Variants in C1GALT1 observed in about 807,000 individuals in gnomAD.
The protein encoded by C1GALT1 is glycoprotein-N-acetylgalactosamine 3-beta-galactosyltransferase 1.
Under a neutral mutation model 31.0 loss-of-function variants are expected in C1GALT1, and 11 were observed. That is an observed-to-expected ratio of 0.36 (90% CI 0.22 to 0.59). The LOEUF (loss-of-function observed/expected upper bound fraction) is 0.59, where lower values mean the gene tolerates loss of function less well. Among genes scored for constraint, C1GALT1 ranks in the 20% least tolerant of loss-of-function variants. C1GALT1 has a pLI of 0.79. For missense variants in C1GALT1, 424 were observed against 425.2 expected, an observed-to-expected ratio of 1.00 and a Z score of 0.03; for synonymous variants, 175 against 143.6, an observed-to-expected ratio of 1.22 and a Z score of -1.56.
chr7:7,215,622 A>G (rs1236158112), intron 1 of C1GALT1, among the ~76,000 whole-genome samples: 1 of 152,180 alleles, frequency 6.6e-6, no homozygotes, highest in Non-Finnish European at 1.5e-5. Context: ...TAGGGTTTTC[A>G]AGAAGTATTG....
intron 1 of C1GALT1, among the ~76,000 whole-genome samples, chr7:7,211,074 G>T (rs1344125545): frequency 6.6e-6 from 1 of 152,172 alleles, no homozygotes; most frequent in Non-Finnish European, 1.5e-5. Context: ...AGCAACTAGG[G>T]CTCCTCCTGG....
chr7:7,167,933 C>G (rs1780415803), intron 2 of C1GALT1, among the ~76,000 whole-genome samples: 1 of 152,164 alleles, frequency 6.6e-6, no homozygotes, highest in South Asian at 2.1e-4. Flanking sequence ...TTACCTTCTA[C>G]TCCATTTTTT....
At chr7:7,161,530 T>A (rs1780333916) in intron 2 of C1GALT1, among the ~76,000 whole-genome samples, 1 of 152,140 alleles carries the variant, frequency 6.6e-6, no homozygotes, top group African/African-American at 2.4e-5. Flanking sequence ...CTGATAAAAA[T>A]AACTACCATT....
At chr7:7,206,936 G>A (rs978977536) in intron 1 of C1GALT1, among the ~76,000 whole-genome samples, 2 of 152,040 alleles carry the variant, frequency 1.3e-5, no homozygotes, top group African/African-American at 4.8e-5. Flanking sequence ...TTTGCTGTGA[G>A]TCTCCTTGAA....
In C1GALT1 at chr7:7,246,501, A is replaced by G. The variant is rs531420374; in HGVS notation, c.*2774A>G. The G allele has an allele frequency of 6.6e-6, 1 of 152,250 alleles. No homozygotes were observed. Among genetic ancestry groups the G allele is most frequent in the East Asian group, 1.9e-4 (1 of 5,186 alleles). 9.4% of individuals were successfully genotyped at this position (152,250 alleles called of 1,614,324 possible). Reference sequence around the variant, plus strand: ...TGAAGACCCCAATCTCAGAAATTCAAATTTAAGCATGGGGCCCAAGAGTAT... The same window carrying G: ...TGAAGACCCCAATCTCAGAAATTCAGATTTAAGCATGGGGCCCAAGAGTAT... On this transcript the variant is annotated 3_prime_UTR_variant, in exon 4 of 4. Coordinates refer to ENST00000436587, the MANE Select transcript of C1GALT1 (RefSeq NM_020156.5).
At chr7:7,193,509 G>A (rs1054032763) in intron 1 of C1GALT1, among the ~76,000 whole-genome samples, 22 of 152,122 alleles carry the variant, frequency 1.4e-4, no homozygotes, top group Admixed American at 6.6e-4. Flanking sequence ...TGTTTCATTG[G>A]TCTATGTGCC....
chr7:7,183,357 G>A (rs886946062), intron 1 of C1GALT1, among the ~76,000 whole-genome samples: 1 of 152,088 alleles, frequency 6.6e-6, no homozygotes, highest in African/African-American at 2.4e-5. Flanking sequence ...TCCTTCCAGA[G>A]GTGCCTGGAG....
intron 1 of C1GALT1, among the ~76,000 whole-genome samples, chr7:7,185,475 T>G (rs1465328676): frequency 6.6e-6 from 1 of 152,218 alleles, no homozygotes; most frequent in African/African-American, 2.4e-5. Context: ...AATCAAGATG[T>G]AGGTATGGCC....
At chr7:7,232,562 G>C in intron 1 of C1GALT1, among the ~76,000 whole-genome samples, 1 of 150,370 alleles carries the variant, frequency 6.7e-6, no homozygotes, top group Middle Eastern at 3.5e-3. Flanking sequence ...GCATGATCTC[G>C]GTCCTGCAGT....
At position 7,245,606 on chromosome 7, in the gene C1GALT1, G is replaced by A. The variant is rs888681167; in HGVS notation, c.*1879G>A. The A allele has an allele frequency of 6.6e-6, 1 of 152,184 alleles. No individual in the cohort carries two copies. Among genetic ancestry groups the A allele is most frequent in the Admixed American group, 6.5e-5 (1 of 15,276 alleles). The allele number at this position is 152,184 out of a possible 1,614,324, so 9.4% of individuals were successfully genotyped here. ...GTCCACGTAGTGAAAACATGCACCA[G>A]TTTTTACCTATTATCATGGTAGTAT... On this transcript the variant is annotated 3_prime_UTR_variant, in exon 4 of 4. Coordinates refer to ENST00000436587, the MANE Select transcript of C1GALT1 (RefSeq NM_020156.5).
At chr7:7,226,970 T>C (rs7811763) in intron 1 of C1GALT1, among the ~76,000 whole-genome samples, 65,112 of 152,008 alleles carry the variant, frequency 0.43, 14,707 homozygotes, top group African/African-American at 0.56. Context: ...GTATCCATGC[T>C]GATTTCCACA....
In C1GALT1 at chr7:7,160,883, T is replaced by C. The variant is rs569516071; in HGVS notation, c.-18+3457T>C. ...CTTGGAACTATAGCTGAAAAAAACC[T>C]TAGAACTATACACACAAACACAGTA... On this transcript the variant is annotated intron_variant, in intron 2 of 3. Transcript: ENST00000429911. Among the ~76,000 whole-genome samples the C allele has an allele frequency of 2.6e-5, 4 of 151,998 alleles. No individual in the cohort carries two copies. The South Asian group carries it at 6.2e-4, about 24-fold the overall frequency.
intron 1 of C1GALT1, among the ~76,000 whole-genome samples, chr7:7,230,381 A>T (rs7787942): frequency 0.55 from 83,338 of 151,824 alleles, 24,738 homozygotes; most frequent in African/African-American, 0.78. Flanking sequence ...GCTTTCCTTT[A>T]ATTACTGTTT....
At chr7:7,177,352 TGAAAGA>T (rs1184057494) in intron 2 of C1GALT1, among the ~76,000 whole-genome samples, 7 of 152,326 alleles carry the variant, frequency 4.6e-5, no homozygotes, top group Admixed American at 2.0e-4. Context: ...TTCTGCCCTC[TGAAAGA>T]GAAAGACATG....
At chr7:7,242,350 G>GAAATATCAGAA (rs1783669756) in intron 3 of C1GALT1, among the ~76,000 whole-genome samples, 1 of 151,698 alleles carries the variant, frequency 6.6e-6, no homozygotes, top group African/African-American at 2.4e-5. Context: ...TTTCCTAAAG[G>GAAATATCAGAA]TGCAAGAGTA....
intron 2 of C1GALT1, among the ~76,000 whole-genome samples, chr7:7,172,415 A>G (rs761324275): frequency 2.2e-4 from 34 of 152,100 alleles, no homozygotes; most frequent in Non-Finnish European, 2.5e-4. Context: ...GTTGGTTAAA[A>G]TATCTTAAGT....
At chr7:7,206,932 G>A (rs947668695) in intron 1 of C1GALT1, among the ~76,000 whole-genome samples, 2 of 152,088 alleles carry the variant, frequency 1.3e-5, no homozygotes, top group African/African-American at 4.8e-5. Flanking sequence ...ATATTTTGCT[G>A]TGAGTCTCCT....
intron 2 of C1GALT1, among the ~76,000 whole-genome samples, chr7:7,165,572 A>C (rs1180036084): frequency 6.6e-6 from 1 of 152,158 alleles, no homozygotes; most frequent in Admixed American, 6.6e-5. Flanking sequence ...CTCTAGATGC[A>C]AGAATTCAAA....
At position 7,238,585 on chromosome 7, in the gene C1GALT1, C is replaced by A; in HGVS notation, c.551C>A (p.Ser184Ter). Residue 184 changes from serine to a stop codon, truncating the protein, a stop_gained, in exon 3 of 4, where the codon TCA becomes TAA. Transcript: ENST00000436587. LOFTEE classifies it high-confidence loss of function. The surrounding 1 kb of genome is among the most constrained non-coding windows in gnomAD (Gnocchi z 5.2). ...VILDNLRWLL[S>*]KYDPEEPIYF... ...CTAGACAATTTGAGGTGGCTTCTTT[C>A]AAAATACGACCCTGAAGAACCCATT... is the stretch of plus-strand genomic sequence containing the variant. 6.2e-7 allele frequency: 1 copy of A among 1,614,036 alleles called. No homozygotes were observed. The highest frequency in any genetic ancestry group is 8.5e-7 in the Non-Finnish European group (1 of 1,179,972).
Sources: gnomAD v4.1 joint callset for allele counts (sites outside exome capture counted in the v4.1 genomes callset) on GRCh38, gnomAD v4.1.1 for gene constraint, Gnocchi (gnomAD v3.1) non-coding constraint, MANE v1.5 for transcripts, NCBI Gene and HGNC (gene_info 2026-07-23, HGNC 2026-07-21) for gene names.